The following ULK4 variants were observed in gnomAD, a reference collection of about 807,000 sequenced individuals.
The protein encoded by ULK4 is unc-51 like kinase 4.
Under a neutral mutation model 160.6 loss-of-function variants are expected in ULK4, and 133 were observed. The observed-to-expected ratio is 0.83, with a 90% CI of 0.72 to 0.96. The LOEUF (loss-of-function observed/expected upper bound fraction) is 0.96. Ranked by LOEUF, ULK4 falls within the 40% of genes least tolerant of loss-of-function variation. ULK4 has a pLI of 0.00. For missense variants in ULK4, 1,580 were observed against 1,499.5 expected, an observed-to-expected ratio of 1.05 and a Z score of -0.89; for synonymous variants, 534 against 539.8, an observed-to-expected ratio of 0.99 and a Z score of 0.15.
At chr3:41,754,214 G>T in intron 22 of ULK4, 147 bp downstream of exon 22, 1 of 885,500 alleles carries the variant, frequency 1.1e-6, no homozygotes, top group Non-Finnish European at 1.7e-6. Flanking sequence ...GTACTTCCAA[G>T]CTGAGATTAC....
intron 31 of ULK4, among the ~76,000 whole-genome samples, chr3:41,599,157 G>A (rs1054336484): frequency 6.6e-6 from 1 of 152,178 alleles, no homozygotes; most frequent in Non-Finnish European, 1.5e-5. Flanking sequence ...GCCGTGGGAT[G>A]AGGATAATCT....
chr3:41,621,552 G>C (rs1205466945), intron 30 of ULK4, among the ~76,000 whole-genome samples: 1 of 152,158 alleles, frequency 6.6e-6, no homozygotes, highest in Non-Finnish European at 1.5e-5. Context: ...TGGAAAACTG[G>C]TTAGCCACAT....
chr3:41,735,209 C>T (rs2037986320), intron 22 of ULK4, among the ~76,000 whole-genome samples: 1 of 152,068 alleles, frequency 6.6e-6, no homozygotes, highest in South Asian at 2.1e-4. Context: ...TTAGGAGTTA[C>T]AAGTGTACAG....
At chr3:41,875,897 C>T (rs1697280031) in intron 17 of ULK4, among the ~76,000 whole-genome samples, 1 of 150,196 alleles carries the variant, frequency 6.7e-6, no homozygotes, top group Admixed American at 6.7e-5. Context: ...CTATTAAAAC[C>T]TGACACTGCA....
intron 34 of ULK4, among the ~76,000 whole-genome samples, chr3:41,416,662 A>G (rs1404375631): frequency 1.3e-5 from 2 of 152,200 alleles, no homozygotes; most frequent in South Asian, 2.1e-4. Flanking sequence ...AGAGATCCAC[A>G]ATAAAATTAT....
At chr3:41,745,065 TGA>T (rs1203533133) in intron 22 of ULK4, among the ~76,000 whole-genome samples, 1 of 151,530 alleles carries the variant, frequency 6.6e-6, no homozygotes, top group African/African-American at 2.4e-5. Flanking sequence ...CAAAAGCATC[TGA>T]GAGACAGAGT....
chr3:41,757,926 C>T (rs2038861406), intron 21 of ULK4, among the ~76,000 whole-genome samples: 1 of 152,128 alleles, frequency 6.6e-6, no homozygotes. Flanking sequence ...CATGCCTGGC[C>T]GAAATGCTCT....
chr3:41,811,451 G>A (rs182014601), intron 19 of ULK4, among the ~76,000 whole-genome samples: 5 of 152,240 alleles, frequency 3.3e-5, no homozygotes, highest in Admixed American at 2.0e-4. Context: ...ATTGAGCCAT[G>A]GCACCTGGCC....
intron 30 of ULK4, among the ~76,000 whole-genome samples, chr3:41,639,091 G>T (rs537221403): frequency 6.6e-6 from 1 of 152,146 alleles, no homozygotes; most frequent in African/African-American, 2.4e-5. Context: ...AAAGTACACT[G>T]ATCACATCAG....
At chr3:41,346,658 G>A (rs1030134336) in intron 35 of ULK4, among the ~76,000 whole-genome samples, 8 of 152,158 alleles carry the variant, frequency 5.3e-5, no homozygotes, top group Non-Finnish European at 7.4e-5. Context: ...TTTGGTTTAT[G>A]TTAATTTTCA....
intron 32 of ULK4, among the ~76,000 whole-genome samples, chr3:41,489,275 C>T (rs2084660386): frequency 6.6e-6 from 1 of 152,162 alleles, no homozygotes; most frequent in African/African-American, 2.4e-5. Context: ...AACACTTCAG[C>T]ATTAGATCAT....
At chr3:41,569,762 C>T (rs1052860995) in intron 31 of ULK4, among the ~76,000 whole-genome samples, 1 of 147,954 alleles carries the variant, frequency 6.8e-6, no homozygotes, top group Non-Finnish European at 1.5e-5. Flanking sequence ...CAAGGAACCA[C>T]CTTTCCATTT....
chr3:41,453,726 CATT>C (rs2083473359), intron 34 of ULK4, among the ~76,000 whole-genome samples: 1 of 152,080 alleles, frequency 6.6e-6, no homozygotes, highest in Admixed American at 6.6e-5. Flanking sequence ...TACGGTCTTG[CATT>C]ATTATTGTTA....
In ULK4 at chr3:41,840,528, G is replaced by A. The variant is rs866708468; in HGVS notation, c.1657-4557C>T. 4.7e-4 allele frequency among the ~76,000 whole-genome samples: 71 copies of A among 152,316 alleles called. No individual in the cohort carries two copies. In the Middle Eastern group the frequency reaches 0.014, roughly 29 times the overall value. ...GTGCCTGCGATTGCAGGCGCGCGCCGCCACACCTGACTGGTTTTTGTATTT... is the reference window on the plus strand; with the variant it reads ...GTGCCTGCGATTGCAGGCGCGCGCCACCACACCTGACTGGTTTTTGTATTT... On this transcript the variant is annotated intron_variant, in intron 17 of 36. Transcript: ENST00000301831.
chr3:41,557,091 T>C (rs2087327191), intron 32 of ULK4, among the ~76,000 whole-genome samples: 1 of 152,166 alleles, frequency 6.6e-6, no homozygotes, highest in African/African-American at 2.4e-5. Flanking sequence ...CAATTAAATA[T>C]AATTCATTAT....
At chr3:41,859,123 C>T (rs1399308564) in intron 17 of ULK4, among the ~76,000 whole-genome samples, 2 of 152,152 alleles carry the variant, frequency 1.3e-5, no homozygotes, top group Non-Finnish European at 2.9e-5. Flanking sequence ...GGAGTCAGCA[C>T]AGTTCAGTTT....
chr3:41,344,000 A>G (rs1392790736), intron 35 of ULK4, among the ~76,000 whole-genome samples: 2 of 152,238 alleles, frequency 1.3e-5, no homozygotes, highest in Non-Finnish European at 2.9e-5. Context: ...AATGGAACCA[A>G]AAAGAACCCA....
chr3:41,800,268 G>A lies in ULK4; in HGVS notation c.1874C>T (p.Ala625Val), dbSNP rs796624191. The A allele has an allele frequency of 6.2e-7, 1 of 1,612,534 alleles. No individual in the cohort carries two copies. The highest frequency in any genetic ancestry group is 1.3e-5 in the African/African-American group (1 of 74,848). Residue 625 changes from alanine to valine, a missense_variant, in exon 20 of 37, where the codon GCA (alanine) becomes GTA (valine). Coordinates refer to ENST00000301831, the MANE Select transcript of ULK4 (RefSeq NM_017886.4). Reference protein sequence around the residue: ...EGEERVVNHMAAKIIENVCTT... With the variant: ...EGEERVVNHMVAKIIENVCTT... ...ACAGACATTTTCAATAATTTTTGCT[G>A]CCATGTGATTCACAACACGCTCTTC... is the stretch of plus-strand genomic sequence containing the variant.
At chr3:41,933,729 C>T (rs1307403870) in intron 4 of ULK4, among the ~76,000 whole-genome samples, 2 of 150,418 alleles carry the variant, frequency 1.3e-5, no homozygotes, top group African/African-American at 4.9e-5. Flanking sequence ...AAAACTGCCA[C>T]ACACAAAAAA....
Sources: gnomAD v4.1 joint callset for allele counts (sites outside exome capture counted in the v4.1 genomes callset) on GRCh38, gnomAD v4.1.1 for gene constraint, MANE v1.5 for transcripts, NCBI Gene and HGNC (gene_info 2026-07-23, HGNC 2026-07-21) for gene names.